REPS2: variants seen among roughly 807,000 people sequenced by gnomAD.
REPS2 encodes the protein ralBP1-associated Eps domain-containing protein 2.
In REPS2, 23 loss-of-function variants were observed where a neutral mutation model predicts 53.6. That is an observed-to-expected ratio of 0.43 (90% CI 0.31 to 0.61). The LOEUF (loss-of-function observed/expected upper bound fraction) is 0.61, where lower values mean the gene tolerates loss of function less well. Among genes scored for constraint, REPS2 ranks in the 20% least tolerant of loss-of-function variants. The pLI is 0.11. For synonymous variants in REPS2, 238 were observed against 218.6 expected, an observed-to-expected ratio of 1.09 and a Z score of -0.78; for missense variants, 446 against 534.9, an observed-to-expected ratio of 0.83 and a Z score of 1.64.
chrX:16,999,908 G>A (rs57673174), intron 1 of REPS2, among the ~76,000 whole-genome samples: 44,006 of 102,694 alleles, frequency 0.43, 7,663 homozygotes, highest in Middle Eastern at 0.58. Context: ...TTAGCCGGGC[G>A]TAGTGGCGGG....
intron 1 of REPS2, among the ~76,000 whole-genome samples, chrX:16,985,861 G>A (rs1283680767): frequency 3.6e-5 from 4 of 111,852 alleles, no homozygotes; most frequent in Admixed American, 1.9e-4. Flanking sequence ...TCATACAGTT[G>A]TCTGTGTGGG....
At chrX:17,000,263 A>G (rs1266236629) in intron 1 of REPS2, among the ~76,000 whole-genome samples, 1 of 111,049 alleles carries the variant, frequency 9.0e-6, no homozygotes, top group Non-Finnish European at 1.9e-5. Flanking sequence ...AGGTGAATAC[A>G]TGTGTTTTCT....
intron 17 of REPS2, among the ~76,000 whole-genome samples, chrX:17,141,773 GT>G (rs2148164915): frequency 8.9e-6 from 1 of 112,151 alleles, no homozygotes; most frequent in East Asian, 2.8e-4. Context: ...ACTTTTCTTT[GT>G]GATTATTTAC....
chrX:16,979,891 A>G (rs1308347879), intron 1 of REPS2, among the ~76,000 whole-genome samples: 1 of 110,790 alleles, frequency 9.0e-6, no homozygotes, highest in Non-Finnish European at 1.9e-5. Context: ...TGGATGGAGA[A>G]AAAGTACGTC....
At chrX:16,965,975 C>T (rs1050504009) in intron 1 of REPS2, among the ~76,000 whole-genome samples, 13 of 112,484 alleles carry the variant, frequency 1.2e-4, no homozygotes, top group African/African-American at 3.5e-4. Context: ...TCAGGCGTGG[C>T]GGCGCGCGCC....
At chrX:17,158,905 T>G in the REPS2 span, among the ~76,000 whole-genome samples, 1 of 112,098 alleles carries the variant, frequency 8.9e-6, no homozygotes, top group South Asian at 3.7e-4. Flanking sequence ...TTCTCATTCT[T>G]TACCTGACCA....
intron 1 of REPS2, among the ~76,000 whole-genome samples, chrX:16,973,512 A>G (rs968787482): frequency 2.7e-5 from 3 of 112,162 alleles, no homozygotes; most frequent in African/African-American, 6.5e-5. Flanking sequence ...ATTGGTTAAT[A>G]TAACGCTAGC....
At chrX:17,080,279 G>A (rs1193816797) in intron 13 of REPS2, among the ~76,000 whole-genome samples, 2 of 60,067 alleles carry the variant, frequency 3.3e-5, no homozygotes, top group Non-Finnish European at 3.0e-5. Flanking sequence ...CCCAGCCCCC[G>A]TTCCTTTCTC....
chrX:17,106,574 C>T (rs924015773), intron 14 of REPS2, among the ~76,000 whole-genome samples: 17 of 109,222 alleles, frequency 1.6e-4, no homozygotes, highest in Admixed American at 4.9e-4. Context: ...CCACCACGCC[C>T]GGTTAATTTT....
At chrX:17,077,225 T>C in intron 12 of REPS2, 46 bp from the exon 13 acceptor site, 1 of 1,122,342 alleles carries the variant, frequency 8.9e-7, no homozygotes, top group Non-Finnish European at 1.2e-6. Context: ...CTTCAGAGAG[T>C]AAAGCTTTGC....
intron 13 of REPS2, among the ~76,000 whole-genome samples, chrX:17,101,968 C>T (rs2062809291): frequency 9.0e-6 from 1 of 111,708 alleles, no homozygotes; most frequent in Admixed American, 9.5e-5. Context: ...TGTTTTAACA[C>T]ACGTTAATAC....
Position 17,076,182 on chromosome X carries a change from C to T in REPS2, c.1380-1089C>T, listed in dbSNP as rs1406979303. On this transcript the variant is annotated intron_variant, in intron 12 of 17. Transcript: ENST00000357277. ...ATGTCAAAAACAGCTCTGTCAAGAA[C>T]TGAAGGGGTTTAATAGTAACTGATA... Among the ~76,000 whole-genome samples, 6 of 112,121 alleles carry T rather than the reference C, an allele frequency of 5.4e-5. No homozygotes were observed. The East Asian group carries it at 1.4e-3, about 26-fold the overall frequency.
rs761227425 is a variant in REPS2, at chrX:17,151,437, A to G, written c.*3956A>G. 6.2e-5 allele frequency: 7 copies of G among 112,701 alleles called. No homozygotes were observed. Among genetic ancestry groups the G allele is most frequent in the Non-Finnish European group, 1.9e-5 (1 of 53,291 alleles). 9.3% of individuals were successfully genotyped at this position (112,701 alleles called of 1,213,427 possible). On this transcript the variant is annotated 3_prime_UTR_variant, in exon 18 of 18. Transcript: ENST00000357277. ...AGAAGATCAATAAGGTAATATTGGA[A>G]TTCATGTGTTTTTTGCAATTAAGGC...
At chrX:17,165,049 C>CCA in the REPS2 span, among the ~76,000 whole-genome samples, 18,994 of 107,242 alleles carry the variant, frequency 0.18, 1,452 homozygotes, top group African/African-American at 0.27. Context: ...ACCACCACCA[C>CCA]CACACACACA....
the REPS2 span, among the ~76,000 whole-genome samples, chrX:17,174,459 T>A: frequency 1.8e-5 from 2 of 111,705 alleles, no homozygotes; most frequent in African/African-American, 6.5e-5. Flanking sequence ...GTATCAGGAT[T>A]TTTTAAGGCT....
chrX:16,991,327 G>T (rs978336513), intron 1 of REPS2, among the ~76,000 whole-genome samples: 6 of 111,188 alleles, frequency 5.4e-5, no homozygotes, highest in Non-Finnish European at 1.1e-4. Context: ...CCAGTTTTGA[G>T]CTGGGCACCT....
At chrX:16,984,601 AT>A (rs1019264451) in intron 1 of REPS2, among the ~76,000 whole-genome samples, 1 of 112,379 alleles carries the variant, frequency 8.9e-6, no homozygotes, top group African/African-American at 3.2e-5. Context: ...TCCTTTTCAT[AT>A]TCTAATATTC....
the REPS2 span, among the ~76,000 whole-genome samples, chrX:17,174,445 C>G: frequency 3.6e-5 from 4 of 111,612 alleles, no homozygotes; most frequent in African/African-American, 1.3e-4. Flanking sequence ...GGGTCGTGGC[C>G]TGGGTATCAG....
chrX:17,097,333 A>C (rs909275928), intron 13 of REPS2, among the ~76,000 whole-genome samples: 1 of 112,440 alleles, frequency 8.9e-6, no homozygotes. Flanking sequence ...CTTCTCAATT[A>C]AGGAAATTCT....
Sources: gnomAD v4.1 joint callset for allele counts (sites outside exome capture counted in the v4.1 genomes callset) on GRCh38, gnomAD v4.1.1 for gene constraint, MANE v1.5 for transcripts, NCBI Gene and HGNC (gene_info 2026-07-23, HGNC 2026-07-21) for gene names.